CELSR3: variants seen among roughly 807,000 people sequenced by gnomAD.
CELSR3 encodes EGF-like protein 1.
In CELSR3, 73 loss-of-function variants were observed where a neutral mutation model predicts 270.0. That is an observed-to-expected ratio of 0.27 (90% CI 0.22 to 0.33). The LOEUF (loss-of-function observed/expected upper bound fraction) is 0.33, where lower values mean the gene tolerates loss of function less well. CELSR3 is among the 10% of genes least tolerant of loss of function. The pLI, the probability that CELSR3 is intolerant of heterozygous loss-of-function variation, is 1.00. For missense variants in CELSR3, 3,614 were observed against 4,533.8 expected (o/e 0.80, Z 5.83); for synonymous variants, 1,780 against 1,905.4 (o/e 0.93, Z 1.71).
chr3:48,644,745 A>G lies in CELSR3; in HGVS notation c.8056T>C (p.Phe2686Leu). Residue 2686 changes from phenylalanine to leucine, a missense_variant, in exon 26 of 35, where the codon TTT becomes CTT. Around this residue, in one of 7 missense-constraint regions of CELSR3, gnomAD observed 1,240 missense variants for 1,351.7 expected, o/e 0.92. Transcript: ENST00000164024. This position sits in a 1 kb window ranked among gnomAD's most constrained non-coding sequence, Gnocchi z 4.8. ...ISVHEPLIWSFAGPVVLVIVM... is the reference protein window; with the variant it reads ...ISVHEPLIWSLAGPVVLVIVM... Reference sequence around the variant, plus strand: ...ATGACCAGGACAACAGGGCCAGCAAAGCTCCAGATGAGGGGCTCGTGGACT... The same window carrying G: ...ATGACCAGGACAACAGGGCCAGCAAGGCTCCAGATGAGGGGCTCGTGGACT... 1.2e-6 allele frequency: 2 copies of G among 1,613,536 alleles called. No individual in the cohort carries two copies. The highest frequency in any genetic ancestry group is 1.3e-5 in the African/African-American group (1 of 75,036).
rs1315232719 is a variant in CELSR3 at position 48,661,633 on chromosome 3, C to T, written c.1002G>A (p.Val334=). 1.9e-6 allele frequency: 3 copies of T among 1,604,176 alleles called. No individual in the cohort carries two copies. Among genetic ancestry groups the T allele is most frequent in the Admixed American group, 1.7e-5 (1 of 58,194 alleles). The change falls in exon 1 of 35, where the codon GTG becomes GTA. Residue 334 remains valine, a synonymous_variant. Transcript: ENST00000164024. ...CGGTGCCTGCTGCCTCATTCTCCGG[C>T]ACCAGCGTCTGGTAGTTGTACTGCG... ...QFPQYNYQTL[V]PENEAAGTAV... is the part of the protein sequence containing the mutation.
chr3:48,642,867 G>C lies in CELSR3; in HGVS notation c.8424C>G (p.Asn2808Lys). 6.2e-7 allele frequency: 1 copy of C among 1,613,208 alleles called. No individual in the cohort carries two copies. Among genetic ancestry groups the C allele is most frequent in the Non-Finnish European group, 8.5e-7 (1 of 1,179,936 alleles). ...CACTCTCCTCAAAGAGAGCCGTGTT[G>C]TTGTAGGCCCCAGGTCCCTGGGGGT... Reference protein sequence around the residue: ...PAPGLGPGAYNNTALFEESGL... With the variant: ...PAPGLGPGAYKNTALFEESGL... The change falls in exon 30 of 35, where the codon AAC (asparagine) becomes AAG (lysine). Residue 2808 changes from asparagine to lysine, a missense_variant. Coordinates refer to ENST00000164024, the MANE Select transcript of CELSR3 (RefSeq NM_001407.3). This position sits in a 1 kb window ranked among gnomAD's most constrained non-coding sequence, Gnocchi z 6.1.
chr3:48,652,150 C>T lies in CELSR3; in HGVS notation c.5752-102G>A. 8.4e-7 allele frequency: 1 copy of T among 1,196,150 alleles called. No homozygotes were observed. The allele number at this position is 1,196,150 out of a possible 1,614,324, so 74.1% of individuals were successfully genotyped here. A position where few individuals can be genotyped will look rare whatever the true frequency, so the allele number is the denominator to read the frequency against. The stretch of plus-strand genomic sequence containing the variant: ...GGTCTGATGATCCTTGACATGCAGT[C>T]TTCTGATACCCTCAAAAAACCCAGG... On this transcript the variant is annotated intron_variant, in intron 11 of 34. Coordinates refer to ENST00000164024, the MANE Select transcript of CELSR3 (RefSeq NM_001407.3). The surrounding 1 kb of genome is among the most constrained non-coding windows in gnomAD (Gnocchi z 4.3).
At position 48,646,776 on chromosome 3, in the gene CELSR3, G is replaced by A. The variant is rs766729652; in HGVS notation, c.7282C>T (p.Arg2428Cys). The change falls in exon 21 of 35, where the codon CGC becomes TGC. Residue 2428 changes from arginine (R) to cysteine (C), a missense_variant. Arg to Cys is a radical substitution (Grantham distance 180). Around this residue, in one of 7 missense-constraint regions of CELSR3, gnomAD observed 1,240 missense variants for 1,351.7 expected, o/e 0.92. Transcript: ENST00000164024. The surrounding 1 kb of genome is among the most constrained non-coding windows in gnomAD (Gnocchi z 4.8). ...GLLPAQFQAE[R>C]RGARLPQNPV... Reference sequence around the variant, plus strand: ...GGGCCTGAGTACCTGGCACCTCGGCGTTCTGCCTGGAACTGGGCAGGGAGC... The same window carrying A: ...GGGCCTGAGTACCTGGCACCTCGGCATTCTGCCTGGAACTGGGCAGGGAGC... The A allele has an allele frequency of 3.8e-5, 61 of 1,609,252 alleles. No homozygotes were observed. Among genetic ancestry groups the A allele is most frequent in the Non-Finnish European group, 4.9e-5 (58 of 1,178,562 alleles).
At position 48,644,386 on chromosome 3, in the gene CELSR3, C is replaced by T. The variant is rs932910284; in HGVS notation, c.8086-91G>A. The T allele has an allele frequency of 1.8e-5, 22 of 1,220,020 alleles. No homozygotes were observed. Among genetic ancestry groups the T allele is most frequent in the Non-Finnish European group, 2.2e-5 (18 of 834,028 alleles). The allele number at this position is 1,220,020 out of a possible 1,614,324, so 75.6% of individuals were successfully genotyped here. On this transcript the variant is annotated intron_variant, in intron 26 of 34. Transcript: ENST00000164024. The surrounding 1 kb of genome is among the most constrained non-coding windows in gnomAD (Gnocchi z 4.8). ...AGAGACAGAGAGAGACTAAGATTCA[C>T]GGAGAGAGGCAGAACCAGTGAGAAA...
In CELSR3 at chr3:48,655,380, C is replaced by T. The variant is rs758119888; in HGVS notation, c.4756G>A (p.Val1586Met). The change falls in exon 5 of 35, where the codon GTG becomes ATG. Residue 1586 changes from valine (V) to methionine (M), a missense_variant. By Grantham distance (21) the Val-to-Met change is conservative. This residue lies in a region of CELSR3 where 1,331 missense variants were observed against 1,933.7 expected (regional missense o/e 0.69). Coordinates refer to ENST00000164024, the MANE Select transcript of CELSR3 (RefSeq NM_001407.3). The surrounding 1 kb of genome is among the most constrained non-coding windows in gnomAD (Gnocchi z 5.8). ...CCCCCTGGAACTGTGGGGCTGACCACGGTGTTGGATTCACCTGGAGGGGAG... is the reference window on the plus strand; with the variant it reads ...CCCCCTGGAACTGTGGGGCTGACCATGGTGTTGGATTCACCTGGAGGGGAG... Reference protein sequence around the residue: ...LTYSTGESNTVVSPTVPGGLS... With the variant: ...LTYSTGESNTMVSPTVPGGLS... The T allele has an allele frequency of 2.5e-6, 4 of 1,614,118 alleles. No individual in the cohort carries two copies. The highest frequency in any genetic ancestry group is 1.1e-5 in the South Asian group (1 of 91,086).
Position 48,645,086 on chromosome 3 carries a change from C to A in CELSR3, c.7921G>T (p.Ala2641Ser). ...QVEPRNVDRG[A>S]MRFYHALGWG... ...CCCAGGGCATGGTAGAAGCGCATGG[C>A]GCCGCGGTCCACGTTGCGTGGCTCA... Residue 2641 changes from alanine (A) to serine (S), a missense_variant, in exon 25 of 35, where the codon GCC becomes TCC. Ala to Ser is a moderately conservative substitution (Grantham distance 99). Transcript: ENST00000164024. This position sits in a 1 kb window ranked among gnomAD's most constrained non-coding sequence, Gnocchi z 5.4. 1 of 1,603,562 alleles carries A rather than the reference C, an allele frequency of 6.2e-7. No homozygotes were observed. Among genetic ancestry groups the A allele is most frequent in the African/African-American group, 1.3e-5 (1 of 74,918 alleles).
rs1357675720 is a variant in CELSR3, at chr3:48,658,110, C to G, written c.3749-762G>C. On this transcript the variant is annotated intron_variant, in intron 1 of 34. Coordinates refer to ENST00000164024, the MANE Select transcript of CELSR3 (RefSeq NM_001407.3). The surrounding 1 kb of genome is among the most constrained non-coding windows in gnomAD (Gnocchi z 4.7). Reference sequence around the variant, plus strand: ...CTGCCTTGTTCGTCTTGTCCCCACACCCTAGCACATACTGGGTGGTCAATA... The same window carrying G: ...CTGCCTTGTTCGTCTTGTCCCCACAGCCTAGCACATACTGGGTGGTCAATA... Among the ~76,000 whole-genome samples the G allele has an allele frequency of 2.0e-5, 3 of 152,218 alleles. No homozygotes were observed. The highest frequency in any genetic ancestry group is 4.4e-5 in the Non-Finnish European group (3 of 68,048).
chr3:48,645,136 C>T lies in CELSR3; in HGVS notation c.7871G>A (p.Gly2624Glu), dbSNP rs767882684. Reference protein sequence around the residue: ...LSTFAWLFVQGLHLYRMQVEP... With the variant: ...LSTFAWLFVQELHLYRMQVEP... ...AACCTGCATGCGGTAGAGGTGCAGCCCCTGCACGAAGAGCCACGCGAAGGT... is the reference window on the plus strand; with the variant it reads ...AACCTGCATGCGGTAGAGGTGCAGCTCCTGCACGAAGAGCCACGCGAAGGT... Residue 2624 changes from glycine (G) to glutamate (E), a missense_variant, in exon 25 of 35, where the codon GGG becomes GAG. Gly to Glu is a moderately conservative substitution (Grantham distance 98). Around this residue, in one of 7 missense-constraint regions of CELSR3, gnomAD observed 1,240 missense variants for 1,351.7 expected, o/e 0.92. Coordinates refer to ENST00000164024, the MANE Select transcript of CELSR3 (RefSeq NM_001407.3). This position sits in a 1 kb window ranked among gnomAD's most constrained non-coding sequence, Gnocchi z 5.4. 7 of 1,601,520 alleles carry T rather than the reference C, an allele frequency of 4.4e-6. No individual in the cohort carries two copies. The highest frequency in any genetic ancestry group is 1.3e-5 in the African/African-American group (1 of 74,748).
rs34638686 is a variant in CELSR3, at chr3:48,645,225, C to T, written c.7798-16G>A. ...TGCACACCAGCTGAGGGCAGGGGGG[C>T]GTGTCAGGACCTCTCCTGCCTCACC... On this transcript the variant is annotated splice_polypyrimidine_tract_variant and intron_variant, in intron 24 of 34. Transcript: ENST00000164024. The surrounding 1 kb of genome is among the most constrained non-coding windows in gnomAD (Gnocchi z 5.4). 0.1 allele frequency: 163,099 copies of T among 1,557,422 alleles called. 9,202 individuals carry two copies. The highest frequency in any genetic ancestry group is 0.22 in the African/African-American group (16,281 of 73,946).
In CELSR3 at chr3:48,647,963, G is replaced by C; in HGVS notation, c.7007C>G (p.Ser2336Cys). Residue 2336 changes from serine to cysteine, a missense_variant, in exon 20 of 35, where the codon TCT becomes TGT. This residue lies in a region of CELSR3 where 1,240 missense variants were observed against 1,351.7 expected (regional missense o/e 0.92). Transcript: ENST00000164024. ...LSIDRMEHPSSPRGARRYPRY... is the reference protein window; with the variant it reads ...LSIDRMEHPSCPRGARRYPRY... ...AGGGTAGCGACGGGCCCCCCGGGGA[G>C]AACTGGGGTGCTCCATGCGGTCAAT... 1 of 1,612,126 alleles carries C rather than the reference G, an allele frequency of 6.2e-7. No individual in the cohort carries two copies. The highest frequency in any genetic ancestry group is 8.5e-7 in the Non-Finnish European group (1 of 1,179,672).
At position 48,661,409 on chromosome 3, in the gene CELSR3, C is replaced by G. The variant is rs1229248334; in HGVS notation, c.1226G>C (p.Gly409Ala). The change falls in exon 1 of 35, where the codon GGG becomes GCG. Residue 409 changes from glycine (G) to alanine (A), a missense_variant. Around this residue, in one of 7 missense-constraint regions of CELSR3, gnomAD observed 354 missense variants for 500.9 expected, o/e 0.71. Transcript: ENST00000164024. ...HYLRVTAQDH[G>A]SPRLSATTMV... ...CGTGGTGGCCGAGAGGCGCGGCGAC[C>G]CGTGGTCCTGCGCGGTCACACGCAG... The G allele has an allele frequency of 6.2e-7, 1 of 1,612,248 alleles. No homozygotes were observed. Among genetic ancestry groups the G allele is most frequent in the African/African-American group, 1.3e-5 (1 of 74,926 alleles).
At position 48,642,877 on chromosome 3, in the gene CELSR3, C is replaced by A. The variant is rs61729237; in HGVS notation, c.8414G>T (p.Gly2805Val). The A allele has an allele frequency of 2.2e-4, 360 of 1,613,080 alleles. 2 individuals carry two copies. The African/African-American group carries it at 4.4e-3, about 20-fold the overall frequency. ...EARPAPGLGPGAYNNTALFEE... is the reference protein window; with the variant it reads ...EARPAPGLGPVAYNNTALFEE... ...AAAGAGAGCCGTGTTGTTGTAGGCCCCAGGTCCCTGGGGGTGGTAGGGACA... is the reference window on the plus strand; with the variant it reads ...AAAGAGAGCCGTGTTGTTGTAGGCCACAGGTCCCTGGGGGTGGTAGGGACA... Residue 2805 changes from glycine to valine, a missense_variant, in exon 30 of 35, where the codon GGG (glycine) becomes GTG (valine). Physicochemically the swap from Gly to Val is moderately radical, Grantham distance 109. Around this residue, in one of 7 missense-constraint regions of CELSR3, gnomAD observed 1,240 missense variants for 1,351.7 expected, o/e 0.92. Transcript: ENST00000164024. This position sits in a 1 kb window ranked among gnomAD's most constrained non-coding sequence, Gnocchi z 6.1.
chr3:48,652,106 AC>A lies in CELSR3; in HGVS notation c.5752-59del, dbSNP rs1224635915. Reference sequence around the variant, plus strand: ...ATGTTAAGGCACCTCAGCCTCAAGTACTGCAGAGCCAGCCACCCGGTCTGAT... The same window carrying A: ...ATGTTAAGGCACCTCAGCCTCAAGTATGCAGAGCCAGCCACCCGGTCTGAT... On this transcript the variant is annotated intron_variant, in intron 11 of 34. Coordinates refer to ENST00000164024, the MANE Select transcript of CELSR3 (RefSeq NM_001407.3). The surrounding 1 kb of genome is among the most constrained non-coding windows in gnomAD (Gnocchi z 4.3). 3 of 1,445,860 alleles carry A rather than the reference AC, an allele frequency of 2.1e-6. No individual in the cohort carries two copies. Among genetic ancestry groups the A allele is most frequent in the Non-Finnish European group, 2.7e-6 (3 of 1,095,190 alleles). The allele number at this position is 1,445,860 out of a possible 1,614,324, so 89.6% of individuals were successfully genotyped here.
Position 48,659,535 on chromosome 3 carries a change from C to G in CELSR3, c.3100G>C (p.Glu1034Gln), listed in dbSNP as rs201106333. ...CTGTCCACTGCGTAGGCAGTCAACTCATACACTGATACTGCCTCCCGGTCT... is the reference window on the plus strand; with the variant it reads ...CTGTCCACTGCGTAGGCAGTCAACTGATACACTGATACTGCCTCCCGGTCT... ...RLDREAVSVY[E>Q]LTAYAVDRGV... The change falls in exon 1 of 35, where the codon GAG becomes CAG. Residue 1034 changes from glutamate to glutamine, a missense_variant. Physicochemically the swap from Glu to Gln is conservative, Grantham distance 29. Transcript: ENST00000164024. The surrounding 1 kb of genome is among the most constrained non-coding windows in gnomAD (Gnocchi z 8.1). The G allele has an allele frequency of 1.4e-4, 224 of 1,614,220 alleles. 2 individuals are homozygous for G. In the South Asian group the frequency reaches 2.3e-3, roughly 16 times the overall value.
intron 28 of CELSR3, 70 bp from the exon 29 acceptor site, chr3:48,643,153 T>C: frequency 9.7e-7 from 1 of 1,027,778 alleles, no homozygotes; most frequent in Non-Finnish European, 1.5e-6. Flanking sequence ...TCACTGTGGG[T>C]CAGCAATGGG....
Position 48,659,517 on chromosome 3 carries a change from C to T in CELSR3, c.3118G>A (p.Val1040Met). 1.2e-6 allele frequency: 2 copies of T among 1,614,236 alleles called. No individual in the cohort carries two copies. Among genetic ancestry groups the T allele is most frequent in the Non-Finnish European group, 1.7e-6 (2 of 1,180,054 alleles). The change falls in exon 1 of 35, where the codon GTG (valine) becomes ATG (methionine). Residue 1040 changes from valine to methionine, a missense_variant. By Grantham distance (21) the Val-to-Met change is conservative. Around this residue, in one of 7 missense-constraint regions of CELSR3, gnomAD observed 1,331 missense variants for 1,933.7 expected, o/e 0.69. Coordinates refer to ENST00000164024, the MANE Select transcript of CELSR3 (RefSeq NM_001407.3). This position sits in a 1 kb window ranked among gnomAD's most constrained non-coding sequence, Gnocchi z 8.1. ...CGGAGTGGGGGCACACCTCTGTCCA[C>T]TGCGTAGGCAGTCAACTCATACACT... ...VSVYELTAYA[V>M]DRGVPPLRTP...
chr3:48,642,658 G>C lies in CELSR3; in HGVS notation c.8555+78C>G. ...AGATGGGTGGAGCCACCCGCCCTAG[G>C]ACCTGGTCAGCCAAGCCCTGGTAAG... On this transcript the variant is annotated intron_variant, in intron 30 of 34. Coordinates refer to ENST00000164024, the MANE Select transcript of CELSR3 (RefSeq NM_001407.3). This position sits in a 1 kb window ranked among gnomAD's most constrained non-coding sequence, Gnocchi z 6.1. 1 of 1,546,138 alleles carries C rather than the reference G, an allele frequency of 6.5e-7. No homozygotes were observed. Among genetic ancestry groups the C allele is most frequent in the Non-Finnish European group, 8.7e-7 (1 of 1,149,082 alleles).
chr3:48,655,837 T>C lies in CELSR3; in HGVS notation c.4640A>G (p.Gln1547Arg), dbSNP rs371672025. The change falls in exon 4 of 35, where the codon CAG (glutamine) becomes CGG (arginine). Residue 1547 changes from glutamine to arginine, a missense_variant. Physicochemically the swap from Gln to Arg is conservative, Grantham distance 43. Coordinates refer to ENST00000164024, the MANE Select transcript of CELSR3 (RefSeq NM_001407.3). This position sits in a 1 kb window ranked among gnomAD's most constrained non-coding sequence, Gnocchi z 5.8. ...GTTGTAGAAGAGCAGCCCGCTCTGC[T>C]GCACTGTCGCGAACCTGGGCGGGGT... ...LTLSLSFATV[Q>R]QSGLLFYNGR... 2.5e-6 allele frequency: 3 copies of C among 1,193,720 alleles called. No individual in the cohort carries two copies. The highest frequency in any genetic ancestry group is 1.7e-5 in the African/African-American group (1 of 58,012). The allele number at this position is 1,193,720 out of a possible 1,614,324, so 73.9% of individuals were successfully genotyped here.
Sources: gnomAD v4.1 joint callset for allele counts (sites outside exome capture counted in the v4.1 genomes callset) on GRCh38, gnomAD v4.1.1 for gene constraint, gnomAD v4.1.1 regional missense constraint, Gnocchi (gnomAD v3.1) non-coding constraint, MANE v1.5 for transcripts, NCBI Gene and HGNC (gene_info 2026-07-23, HGNC 2026-07-21) for gene names.